Variants in TMC1 observed in about 807,000 individuals in gnomAD.
TMC1 encodes the protein transmembrane channel like 1.
TMC1 carries 84 observed loss-of-function variants against 105.8 expected under a neutral mutation model. That is an observed-to-expected ratio of 0.79 (90% CI 0.67 to 0.95). The LOEUF is 0.95. Among genes scored for constraint, TMC1 ranks in the 40% least tolerant of loss-of-function variants. The pLI, the probability that TMC1 is intolerant of heterozygous loss-of-function variation, is 0.00. For synonymous variants in TMC1, 315 were observed against 311.5 expected (o/e 1.01, Z -0.12); for missense variants, 817 against 914.1 (o/e 0.89, Z 1.37).
chr9:72,752,963 GTAGAAGACAT>G (rs924707902), intron 11 of TMC1, among the ~76,000 whole-genome samples: 2 of 152,148 alleles, frequency 1.3e-5, no homozygotes, highest in Non-Finnish European at 2.9e-5. Context: ...GATGTAGACT[GTAGAAGACAT>G]TTTCTTCACC....
At chr9:72,540,002 G>A (rs1264416030) in intron 1 of TMC1, among the ~76,000 whole-genome samples, 1 of 152,172 alleles carries the variant, frequency 6.6e-6, no homozygotes, top group Non-Finnish European at 1.5e-5. Context: ...GGCGAGAGAG[G>A]AAGAGCGTGA....
intron 8 of TMC1, among the ~76,000 whole-genome samples, chr9:72,709,661 A>G (rs1004591904): frequency 4.6e-5 from 7 of 152,172 alleles, no homozygotes; most frequent in Non-Finnish European, 8.8e-5. Context: ...AGGTGTTCAT[A>G]GTAGCCTTGA....
chr9:72,623,296 C>T (rs7026927), intron 3 of TMC1, among the ~76,000 whole-genome samples: 15,235 of 151,662 alleles, frequency 0.1, 941 homozygotes, highest in African/African-American at 0.16. Context: ...ACAGAGCTGT[C>T]GGTTTTCCTG....
intron 1 of TMC1, among the ~76,000 whole-genome samples, chr9:72,529,887 C>A (rs2132056650): frequency 6.6e-6 from 1 of 152,242 alleles, no homozygotes; most frequent in East Asian, 1.9e-4. Context: ...AGATTGAAGA[C>A]TTGACTCCCT....
chr9:72,641,019 A>G lies in TMC1; in HGVS notation c.-52-7578A>G, dbSNP rs1403699878. ...ATGTGGCAGACAATATGGACTAGAT[A>G]TATGGTGGTCAAAATTATGTTTGTG... On this transcript the variant is annotated intron_variant, in intron 4 of 23. Coordinates refer to ENST00000297784, the MANE Select transcript of TMC1 (RefSeq NM_138691.3). 3.9e-5 allele frequency among the ~76,000 whole-genome samples: 6 copies of G among 152,206 alleles called. No homozygotes were observed. The East Asian group carries it at 1.2e-3, about 29-fold the overall frequency.
chr9:72,657,662 T>C (rs926417492), intron 5 of TMC1, among the ~76,000 whole-genome samples: 1 of 152,206 alleles, frequency 6.6e-6, no homozygotes, highest in African/African-American at 2.4e-5. Context: ...GGTGTATCCA[T>C]ATGGTATGTT....
chr9:72,815,654 T>TGAATTTCAA (rs1289506224), intron 18 of TMC1, among the ~76,000 whole-genome samples: 1 of 152,180 alleles, frequency 6.6e-6, no homozygotes, highest in Non-Finnish European at 1.5e-5. Flanking sequence ...AAAATGATTG[T>TGAATTTCAA]AATTCATTGC....
intron 1 of TMC1, among the ~76,000 whole-genome samples, chr9:72,559,000 A>T (rs7866185): frequency 0.53 from 79,953 of 151,994 alleles, 22,007 homozygotes; most frequent in African/African-American, 0.7. Context: ...GAATTGTTTG[A>T]AAGATTGAAG....
intron 6 of TMC1, among the ~76,000 whole-genome samples, chr9:72,694,104 G>A (rs1038004517): frequency 7.9e-5 from 12 of 152,134 alleles, no homozygotes; most frequent in African/African-American, 2.4e-4. Context: ...CCTCTTTAAC[G>A]TTCCTCTTCT....
intron 2 of TMC1, chr9:72,616,143 G>A (rs543044350): frequency 6.6e-6 from 1 of 152,304 alleles, no homozygotes; most frequent in African/African-American, 2.4e-5. Context: ...TATATGGGAT[G>A]TTTGCCAGCA....
rs546143945 is a variant in TMC1 at position 72,582,940 on chromosome 9, G to C, written c.-306+4917G>C. Reference sequence around the variant, plus strand: ...TTGTCATTACAAATAAACAGACAGGGCTGGGCGCAGTGGTTCATGCCTGTA... The same window carrying C: ...TTGTCATTACAAATAAACAGACAGGCCTGGGCGCAGTGGTTCATGCCTGTA... On this transcript the variant is annotated intron_variant, in intron 2 of 23. Transcript: ENST00000297784. 2.6e-5 allele frequency among the ~76,000 whole-genome samples: 4 copies of C among 152,240 alleles called. No individual in the cohort carries two copies. The East Asian group carries it at 7.7e-4, about 29-fold the overall frequency.
At chr9:72,579,423 A>G (rs1281382132) in intron 2 of TMC1, among the ~76,000 whole-genome samples, 2 of 152,110 alleles carry the variant, frequency 1.3e-5, no homozygotes, top group Non-Finnish European at 2.9e-5. Flanking sequence ...GGCTCCAAGC[A>G]AGCCTTGTAG....
At chr9:72,611,199 A>G (rs1468649584) in intron 2 of TMC1, among the ~76,000 whole-genome samples, 2 of 152,234 alleles carry the variant, frequency 1.3e-5, no homozygotes, top group Admixed American at 6.5e-5. Context: ...ATTGGGAACC[A>G]TCATTGATTA....
At chr9:72,742,056 A>G (rs1318572257) in intron 9 of TMC1, among the ~76,000 whole-genome samples, 1 of 152,098 alleles carries the variant, frequency 6.6e-6, no homozygotes, top group African/African-American at 2.4e-5. Context: ...TATTATTTTT[A>G]TTATTTATTT....
intron 1 of TMC1, among the ~76,000 whole-genome samples, chr9:72,549,939 G>C (rs1157832905): frequency 6.6e-6 from 1 of 151,504 alleles, no homozygotes; most frequent in Non-Finnish European, 1.5e-5. Flanking sequence ...GTGGAGATGG[G>C]GTTTTACCAT....
intron 17 of TMC1, among the ~76,000 whole-genome samples, chr9:72,797,791 T>C (rs1828397797): frequency 6.6e-6 from 1 of 152,074 alleles, no homozygotes; most frequent in Non-Finnish European, 1.5e-5. Flanking sequence ...GCAATATCAT[T>C]CAGGACATAG....
intron 17 of TMC1, among the ~76,000 whole-genome samples, chr9:72,795,832 A>C (rs1489615729): frequency 6.6e-6 from 1 of 151,852 alleles, no homozygotes; most frequent in Non-Finnish European, 1.5e-5. Flanking sequence ...TAAATGCTCC[A>C]TTTAAAAGGC....
intron 1 of TMC1, among the ~76,000 whole-genome samples, chr9:72,538,373 A>C (rs1378804676): frequency 6.6e-6 from 1 of 150,968 alleles, no homozygotes; most frequent in East Asian, 1.9e-4. Context: ...ATGTCAAATA[A>C]ATATATTTTG....
At chr9:72,630,566 C>T (rs1255868539) in intron 4 of TMC1, among the ~76,000 whole-genome samples, 1 of 152,078 alleles carries the variant, frequency 6.6e-6, no homozygotes, top group Non-Finnish European at 1.5e-5. Context: ...TTTGATGCAA[C>T]TTAATGTGTC....
Sources: allele counts gnomAD v4.1 joint callset (sites outside exome capture counted in the v4.1 genomes callset), GRCh38; gene constraint gnomAD v4.1.1; transcripts MANE v1.5; gene names NCBI Gene and HGNC (gene_info 2026-07-23, HGNC 2026-07-21).